GUCY2C: variants seen among roughly 807,000 people sequenced by gnomAD.
The protein encoded by GUCY2C is guanylyl cyclase C.
A neutral mutation model predicts 131.1 loss-of-function variants in GUCY2C; 118 were observed. The ratio of observed to expected loss-of-function variants is 0.90; its 90% confidence interval spans 0.78 to 1.05. The LOEUF is 1.05. Among genes scored for constraint, GUCY2C ranks in the 50% least tolerant of loss-of-function variants. The pLI is 0.00. For synonymous variants in GUCY2C, 452 were observed against 457.8 expected (o/e 0.99, Z 0.16); for missense variants, 1,161 against 1,304.4 (o/e 0.89, Z 1.69).
chr12:14,640,337 G>A (rs767145765), intron 18 of GUCY2C, among the ~76,000 whole-genome samples: 132 of 151,626 alleles, frequency 8.7e-4, no homozygotes, highest in Non-Finnish European at 1.8e-3. Flanking sequence ...TGCACCTGTC[G>A]TCCCAGCTAC....
chr12:14,674,834 G>T, intron 7 of GUCY2C, 74 bp from the exon 8 acceptor site: 1 of 1,153,256 alleles, frequency 8.7e-7, no homozygotes, highest in Non-Finnish European at 1.2e-6. Flanking sequence ...ACAAAAGGTT[G>T]TTGGGATCAG....
intron 1 of GUCY2C, among the ~76,000 whole-genome samples, chr12:14,694,563 G>T (rs537332061): frequency 1.3e-5 from 2 of 152,302 alleles, no homozygotes; most frequent in African/African-American, 4.8e-5. Flanking sequence ...GGTCCTCAAA[G>T]GACAAATCAA....
intron 1 of GUCY2C, among the ~76,000 whole-genome samples, chr12:14,692,120 C>T (rs1418071656): frequency 6.6e-6 from 1 of 152,044 alleles, no homozygotes; most frequent in Non-Finnish European, 1.5e-5. Context: ...CCCTTTAGTC[C>T]CTTTCAGGGG....
chr12:14,614,764 A>T, intron 26 of GUCY2C, 103 bp downstream of exon 26: 1 of 670,982 alleles, frequency 1.5e-6, no homozygotes, highest in Non-Finnish European at 2.6e-6. Context: ...CTTCTTATGC[A>T]ATATATGCCA....
chr12:14,666,020 G>A (rs1372889639), intron 10 of GUCY2C: 7 of 152,276 alleles, frequency 4.6e-5, no homozygotes. Context: ...AGAGGTAGGA[G>A]GGCTCTGAAG....
chr12:14,656,735 G>T (rs1947770373), intron 11 of GUCY2C, 118 bp from the exon 12 acceptor site: 3 of 539,056 alleles, frequency 5.6e-6, no homozygotes, highest in East Asian at 2.8e-5. Flanking sequence ...GTGAGGGAAG[G>T]TAGCCCAATG....
chr12:14,645,323 G>A lies in GUCY2C; in HGVS notation c.1711-8C>T, dbSNP rs759765840. 5 of 1,431,500 alleles carry A rather than the reference G, an allele frequency of 3.5e-6. No homozygotes were observed. Among genetic ancestry groups the A allele is most frequent in the Non-Finnish European group, 4.9e-6 (5 of 1,019,772 alleles). 88.7% of individuals were successfully genotyped at this position (1,431,500 alleles called of 1,614,324 possible). A position where few individuals can be genotyped will look rare whatever the true frequency, so the allele number is the denominator to read the frequency against. Reference sequence around the variant, plus strand: ...TGTGTCATTTAAAACTTCCTGAATAGGAAAAAAGAAGAAGAAGAAAAGTTG... The same window carrying A: ...TGTGTCATTTAAAACTTCCTGAATAAGAAAAAAGAAGAAGAAGAAAAGTTG... On this transcript the variant is annotated splice_region_variant and splice_polypyrimidine_tract_variant and intron_variant, in intron 15 of 26. Transcript: ENST00000261170.
At chr12:14,630,797 T>C (rs1947126235) in intron 19 of GUCY2C, among the ~76,000 whole-genome samples, 1 of 152,150 alleles carries the variant, frequency 6.6e-6, no homozygotes, top group African/African-American at 2.4e-5. Flanking sequence ...ATCAGTTACT[T>C]GACATGAAAT....
At chr12:14,648,235 C>T (rs531549108) in intron 15 of GUCY2C, among the ~76,000 whole-genome samples, 1 of 150,672 alleles carries the variant, frequency 6.6e-6, no homozygotes, top group Non-Finnish European at 1.5e-5. Flanking sequence ...GATGGGATTA[C>T]AGGCATGAGC....
chr12:14,647,777 T>A (rs2137031945), intron 15 of GUCY2C, among the ~76,000 whole-genome samples: 1 of 152,152 alleles, frequency 6.6e-6, no homozygotes, highest in East Asian at 1.9e-4. Flanking sequence ...AGGAGGATTT[T>A]TTGAGTTGTA....
intron 19 of GUCY2C, among the ~76,000 whole-genome samples, chr12:14,631,175 C>T (rs996502818): frequency 1.1e-4 from 17 of 152,054 alleles, no homozygotes; most frequent in Non-Finnish European, 2.2e-4. Context: ...CTATTTTTAT[C>T]CCACAAGGAA....
intron 18 of GUCY2C, among the ~76,000 whole-genome samples, chr12:14,640,752 G>A (rs1236709523): frequency 6.6e-6 from 1 of 152,136 alleles, no homozygotes; most frequent in African/African-American, 2.4e-5. Context: ...AAATATGTAT[G>A]TCATCCTGTT....
At position 14,621,996 on chromosome 12, in the gene GUCY2C, T is replaced by C. The variant is rs757122352; in HGVS notation, c.2601+9A>G. ...TTAATGGTTTCAGCCTGTTAGGTGA[T>C]GTGGTTACCTTGTAGACATCATGAT... is the stretch of plus-strand genomic sequence containing the variant. On this transcript the variant is annotated intron_variant, in intron 22 of 26. Coordinates refer to ENST00000261170, the MANE Select transcript of GUCY2C (RefSeq NM_004963.4). 2.5e-6 allele frequency: 4 copies of C among 1,571,464 alleles called. No homozygotes were observed. The highest frequency in any genetic ancestry group is 1.4e-5 in the African/African-American group (1 of 73,152).
intron 12 of GUCY2C, among the ~76,000 whole-genome samples, chr12:14,655,402 A>G (rs1947744277): frequency 6.6e-6 from 1 of 152,174 alleles, no homozygotes; most frequent in Non-Finnish European, 1.5e-5. Flanking sequence ...ATGCACCAGG[A>G]GGGTCACATT....
chr12:14,617,821 T>C (rs1163291789), intron 24 of GUCY2C, among the ~76,000 whole-genome samples: 3 of 152,220 alleles, frequency 2.0e-5, no homozygotes, highest in Non-Finnish European at 4.4e-5. Context: ...GGTATTCCAT[T>C]TTCAATTTGT....
At chr12:14,679,360 C>A (rs4142095) in intron 6 of GUCY2C, among the ~76,000 whole-genome samples, 150,374 of 152,294 alleles carry the variant, frequency 0.99, 74,253 homozygotes, top group Middle Eastern at 1. Flanking sequence ...GTGACCATAG[C>A]CAGCCAGGAT....
At chr12:14,635,883 C>T (rs1382121502) in intron 19 of GUCY2C, among the ~76,000 whole-genome samples, 1 of 152,016 alleles carries the variant, frequency 6.6e-6, no homozygotes, top group Non-Finnish European at 1.5e-5. Context: ...TGGATAAATG[C>T]AATCTACATA....
intron 3 of GUCY2C, among the ~76,000 whole-genome samples, chr12:14,684,431 AG>A (rs1234736858): frequency 6.6e-6 from 1 of 151,654 alleles, no homozygotes; most frequent in East Asian, 1.9e-4. Context: ...CCTTCATAAG[AG>A]TTTTTTCCTC....
At position 14,676,990 on chromosome 12, in the gene GUCY2C, GT is replaced by G; in HGVS notation, c.831-20del. On this transcript the variant is annotated intron_variant, in intron 6 of 26. Coordinates refer to ENST00000261170, the MANE Select transcript of GUCY2C (RefSeq NM_004963.4). ...CTGGTCACTGTAATAAAAAGCACAG[GT>G]TCCTCATGAAAATTAGGAAAAATAG... 1 of 904,746 alleles carries G rather than the reference GT, an allele frequency of 1.1e-6. No individual in the cohort carries two copies. Among genetic ancestry groups the G allele is most frequent in the South Asian group, 2.1e-5 (1 of 46,698 alleles). The allele number at this position is 904,746 out of a possible 1,614,324, so 56.0% of individuals were successfully genotyped here.
Sources: allele counts gnomAD v4.1 joint callset (sites outside exome capture counted in the v4.1 genomes callset), GRCh38; gene constraint gnomAD v4.1.1; transcripts MANE v1.5; gene names NCBI Gene and HGNC (gene_info 2026-07-23, HGNC 2026-07-21).